ARMC3: variants seen among roughly 807,000 people sequenced by gnomAD.
ARMC3 encodes armadillo repeat containing 3.
Under a neutral mutation model 90.3 loss-of-function variants are expected in ARMC3, and 74 were observed. The observed-to-expected ratio is 0.82, with a 90% CI of 0.68 to 0.99. The LOEUF (loss-of-function observed/expected upper bound fraction) is 0.99. Among genes scored for constraint, ARMC3 ranks in the 50% least tolerant of loss-of-function variants. The pLI is 0.00. For missense variants in ARMC3, 958 were observed against 1,042.8 expected, an observed-to-expected ratio of 0.92 and a Z score of 1.12; for synonymous variants, 334 against 361.8, an observed-to-expected ratio of 0.92 and a Z score of 0.87.
At chr10:22,928,527 G>T (rs1351516360) in intron 1 of ARMC3, among the ~76,000 whole-genome samples, 1 of 152,010 alleles carries the variant, frequency 6.6e-6, no homozygotes, top group Non-Finnish European at 1.5e-5. Context: ...AAAAAAAAAT[G>T]GCTCCAGTAG....
In ARMC3 at chr10:22,953,401, AT is replaced by A. The variant is rs542214286; in HGVS notation, c.167-2399del. On this transcript the variant is annotated intron_variant, in intron 3 of 18. Transcript: ENST00000298032. Reference sequence around the variant, plus strand: ...TACAGCAGCAATAAGAAAAAAATATATTTTTTTAAAAGAAAAAAGAAAAACC... The same window carrying A: ...TACAGCAGCAATAAGAAAAAAATATATTTTTTAAAAGAAAAAAGAAAAACC... 2.2e-3 allele frequency among the ~76,000 whole-genome samples: 342 copies of A among 152,248 alleles called. 4 individuals carry two copies. Among genetic ancestry groups the A allele is most frequent in the African/African-American group, 7.1e-3 (296 of 41,546 alleles).
chr10:22,997,088 TA>T (rs1296256167), intron 10 of ARMC3, among the ~76,000 whole-genome samples: 8 of 152,360 alleles, frequency 5.3e-5, no homozygotes, highest in Middle Eastern at 3.4e-3. Flanking sequence ...GGTCTCCCTT[TA>T]AAATCAGGAT....
intron 2 of ARMC3, among the ~76,000 whole-genome samples, chr10:22,941,268 G>A (rs1235282772): frequency 6.6e-6 from 1 of 152,098 alleles, no homozygotes; most frequent in Non-Finnish European, 1.5e-5. Context: ...TGCTTGGAAT[G>A]GTTGGTTATA....
intron 3 of ARMC3, among the ~76,000 whole-genome samples, chr10:22,947,066 G>A (rs1834558835): frequency 6.6e-6 from 1 of 152,154 alleles, no homozygotes; most frequent in African/African-American, 2.4e-5. Flanking sequence ...AGCTACTCGG[G>A]AGGCTGAGGT....
intron 16 of ARMC3, among the ~76,000 whole-genome samples, chr10:23,026,217 C>A (rs538229890): frequency 3.3e-5 from 5 of 152,052 alleles, no homozygotes; most frequent in Admixed American, 3.3e-4. Context: ...TACTTCTCAA[C>A]TCACGATGAT....
At chr10:23,005,661 T>C (rs1011601869) in intron 13 of ARMC3, among the ~76,000 whole-genome samples, 3 of 152,106 alleles carry the variant, frequency 2.0e-5, no homozygotes, top group Non-Finnish European at 4.4e-5. Context: ...GGTTAGGAGT[T>C]GGAGACCAGC....
At chr10:22,936,574 T>C (rs980509719) in intron 2 of ARMC3, among the ~76,000 whole-genome samples, 2 of 152,194 alleles carry the variant, frequency 1.3e-5, no homozygotes, top group Non-Finnish European at 2.9e-5. Context: ...TTGTAAATAA[T>C]TTTATCATTT....
At chr10:22,981,571 A>G (rs1836190857) in intron 9 of ARMC3, 24 bp from the exon 10 acceptor site, 1 of 1,613,892 alleles carries the variant, frequency 6.2e-7, no homozygotes, top group Non-Finnish European at 8.5e-7. Flanking sequence ...TAAAAGTCAC[A>G]TTTTTACCTT....
At chr10:22,990,162 AT>A (rs370494988) in intron 10 of ARMC3, among the ~76,000 whole-genome samples, 3,506 of 91,656 alleles carry the variant, frequency 0.038, 121 homozygotes, top group African/African-American at 0.1. Flanking sequence ...ATATTGTGTG[AT>A]TTCCCCCCCC....
intron 8 of ARMC3, among the ~76,000 whole-genome samples, chr10:22,974,440 A>G (rs944515460): frequency 6.6e-6 from 1 of 152,084 alleles, no homozygotes; most frequent in African/African-American, 2.4e-5. Context: ...TTTATGTTTT[A>G]TGCTTTCTGT....
chr10:23,019,494 C>A (rs987471169), intron 16 of ARMC3, among the ~76,000 whole-genome samples: 6 of 152,100 alleles, frequency 3.9e-5, no homozygotes, highest in Non-Finnish European at 5.9e-5. Flanking sequence ...ATAATCCTAA[C>A]CCCTGGTATT....
chr10:23,027,625 C>A (rs1028857390), intron 16 of ARMC3, among the ~76,000 whole-genome samples: 2 of 152,078 alleles, frequency 1.3e-5, no homozygotes, highest in African/African-American at 2.4e-5. Context: ...GAGTAGATTT[C>A]TTTGGGTTTA....
intron 7 of ARMC3, among the ~76,000 whole-genome samples, chr10:22,966,793 CTT>C (rs1321817904): frequency 1.3e-5 from 2 of 152,130 alleles, no homozygotes; most frequent in African/African-American, 4.8e-5. Context: ...CTGTCAAACA[CTT>C]ATAAAACCAT....
intron 4 of ARMC3, 113 bp downstream of exon 4, chr10:22,956,045 T>C (rs1382661759): frequency 1.9e-6 from 2 of 1,052,892 alleles, no homozygotes; most frequent in Non-Finnish European, 2.7e-6. Context: ...ACTTTCATGT[T>C]CACAAAAACA....
chr10:23,012,156 A>T (rs1407758543), intron 16 of ARMC3, among the ~76,000 whole-genome samples: 1 of 152,022 alleles, frequency 6.6e-6, no homozygotes, highest in Non-Finnish European at 1.5e-5. Flanking sequence ...TTTTTTGGGC[A>T]ATCCTTCTGG....
At chr10:22,982,385 A>G (rs1836234111) in intron 10 of ARMC3, among the ~76,000 whole-genome samples, 1 of 152,244 alleles carries the variant, frequency 6.6e-6, no homozygotes, top group Admixed American at 6.5e-5. Flanking sequence ...GCTTCAAACA[A>G]ACAAACAAAC....
At chr10:23,001,835 C>T in intron 11 of ARMC3, 84 bp from the exon 12 acceptor site, 1 of 1,434,786 alleles carries the variant, frequency 7.0e-7, no homozygotes, top group Non-Finnish European at 9.4e-7. Context: ...AACCTTTTAG[C>T]AATCAAATAA....
chr10:22,982,991 C>A (rs769374761), intron 10 of ARMC3, among the ~76,000 whole-genome samples: 3 of 152,168 alleles, frequency 2.0e-5, no homozygotes, highest in Non-Finnish European at 4.4e-5. Context: ...TAGCTACAAT[C>A]TTTGACACAG....
rs145497587 is a variant in ARMC3 at position 23,006,496 on chromosome 10, C to T, written c.1732-388C>T. ...TGAAACTGCCTGCACAGGGCTTTGT[C>T]TAGCCTACTTTTAGATACACTCACA... On this transcript the variant is annotated intron_variant, in intron 13 of 18. Transcript: ENST00000298032. Among the ~76,000 whole-genome samples, 361 of 152,310 alleles carry T rather than the reference C, an allele frequency of 2.4e-3. 3 individuals carry two copies. The highest frequency in any genetic ancestry group is 3.8e-3 in the Non-Finnish European group (257 of 68,028).
Sources: allele counts gnomAD v4.1 joint callset (sites outside exome capture counted in the v4.1 genomes callset), GRCh38; gene constraint gnomAD v4.1.1; transcripts MANE v1.5; gene names NCBI Gene and HGNC (gene_info 2026-07-23, HGNC 2026-07-21).